Variants in FAT1 observed in about 807,000 individuals in gnomAD.
FAT1 encodes FAT atypical cadherin 1, also known as protocadherin Fat 1.
Under a neutral mutation model 329.8 loss-of-function variants are expected in FAT1, and 171 were observed. That is an observed-to-expected ratio of 0.52 (90% CI 0.46 to 0.59). FAT1 has a LOEUF of 0.59. FAT1 is among the 20% of genes least tolerant of loss of function. The pLI, the probability that FAT1 is intolerant of heterozygous loss-of-function variation, is 0.00. For synonymous variants in FAT1, 2,233 were observed against 2,228.6 expected, an observed-to-expected ratio of 1.00 and a Z score of -0.06; for missense variants, 5,672 against 5,774.4, an observed-to-expected ratio of 0.98 and a Z score of 0.57.
chr4:186,679,403 T>C lies in FAT1; in HGVS notation c.3266-15790A>G, dbSNP rs866493115. ...CTGCACTCCAGCCTGGGTGACAGAG[T>C]GAGACTCTGTCTCAAAAAAAAAAAA... On this transcript the variant is annotated intron_variant, in intron 2 of 26. Coordinates refer to ENST00000441802, the MANE Select transcript of FAT1 (RefSeq NM_005245.4). 3.9e-3 allele frequency among the ~76,000 whole-genome samples: 424 copies of C among 109,326 alleles called. 4 individuals are homozygous for C. Among genetic ancestry groups the C allele is most frequent in the African/African-American group, 0.014 (356 of 25,994 alleles). The allele number at this position is 109,326 out of a possible 152,430, so 71.7% of individuals were successfully genotyped here. A position where few individuals can be genotyped will look rare whatever the true frequency, so the allele number is the denominator to read the frequency against.
Position 186,598,056 on chromosome 4 carries a change from G to C in FAT1, c.12173C>G (p.Ser4058Cys). The C allele has an allele frequency of 6.2e-7, 1 of 1,613,936 alleles. No individual in the cohort carries two copies. The highest frequency in any genetic ancestry group is 8.5e-7 in the Non-Finnish European group (1 of 1,179,874). ...HCEISVNPCS[S>C]KPCLYGGTCV... ...CGTGCCCCCATAGAGGCATGGCTTG[G>C]AGGAACACGGATTGACGCTTATCTC... Residue 4058 changes from serine to cysteine, a missense_variant, in exon 23 of 27, where the codon TCC becomes TGC. Transcript: ENST00000441802.
chr4:186,671,191 A>G (rs575189574), intron 2 of FAT1, among the ~76,000 whole-genome samples: 9 of 152,268 alleles, frequency 5.9e-5, no homozygotes, highest in Admixed American at 4.6e-4. Flanking sequence ...ACTGATGTTA[A>G]TATTTCCACA....
At chr4:186,612,235 A>T (rs1055709001) in intron 13 of FAT1, among the ~76,000 whole-genome samples, 1 of 152,164 alleles carries the variant, frequency 6.6e-6, no homozygotes, top group African/African-American at 2.4e-5. Context: ...CTGTTAAAAC[A>T]AATGTAAATA....
intron 2 of FAT1, 108 bp from the exon 3 acceptor site, chr4:186,663,721 T>C (rs1268023911): frequency 1.7e-5 from 14 of 819,432 alleles, no homozygotes; most frequent in Non-Finnish European, 2.4e-5. Context: ...TGTCTCTTAC[T>C]AGGTGCATAA....
intron 2 of FAT1, among the ~76,000 whole-genome samples, chr4:186,702,815 G>A (rs1290149184): frequency 6.6e-6 from 1 of 152,132 alleles, no homozygotes; most frequent in Non-Finnish European, 1.5e-5. Context: ...ACAGAGAATG[G>A]ATCTGAAGTA....
At chr4:186,657,637 G>A (rs1271877080) in intron 3 of FAT1, among the ~76,000 whole-genome samples, 2 of 152,124 alleles carry the variant, frequency 1.3e-5, no homozygotes, top group Admixed American at 6.5e-5. Context: ...GCAATTTGCT[G>A]TAAGTGAATT....
chr4:186,723,422 C>A (rs1193406630), intron 1 of FAT1, among the ~76,000 whole-genome samples: 1 of 152,226 alleles, frequency 6.6e-6, no homozygotes, highest in African/African-American at 2.4e-5. Context: ...AGCAATGGCC[C>A]CGGATCGGTC....
At chr4:186,627,258 ATGAG>A (rs1240985928) in intron 9 of FAT1, among the ~76,000 whole-genome samples, 7 of 148,048 alleles carry the variant, frequency 4.7e-5, no homozygotes, top group Non-Finnish European at 8.9e-5. Context: ...GAATGAATGA[ATGAG>A]GGACCAACAT....
chr4:186,640,007 G>A (rs151044899), intron 3 of FAT1, among the ~76,000 whole-genome samples: 1 of 152,214 alleles, frequency 6.6e-6, no homozygotes, highest in African/African-American at 2.4e-5. Context: ...GGTGGCGCGT[G>A]ACTGTAATCC....
chr4:186,675,649 C>T (rs1742915508), intron 2 of FAT1, among the ~76,000 whole-genome samples: 1 of 151,824 alleles, frequency 6.6e-6, no homozygotes, highest in Non-Finnish European at 1.5e-5. Flanking sequence ...ACACCTGTAG[C>T]TCCAGGCTGA....
chr4:186,639,234 T>G (rs1740982948), intron 4 of FAT1, among the ~76,000 whole-genome samples: 1 of 152,214 alleles, frequency 6.6e-6, no homozygotes. Flanking sequence ...TAATTCATAG[T>G]TTAAAACGCA....
chr4:186,715,432 T>C (rs1745167229), intron 1 of FAT1, among the ~76,000 whole-genome samples: 1 of 152,158 alleles, frequency 6.6e-6, no homozygotes, highest in Admixed American at 6.5e-5. Flanking sequence ...AATGCTACTG[T>C]GAGTAGAATA....
intron 26 of FAT1, among the ~76,000 whole-genome samples, chr4:186,595,146 A>G (rs1738437945): frequency 6.6e-6 from 1 of 152,162 alleles, no homozygotes; most frequent in African/African-American, 2.4e-5. Flanking sequence ...CTTACTAGCA[A>G]TCTCTTAAAC....
At chr4:186,704,969 T>C (rs146881683) in intron 2 of FAT1, among the ~76,000 whole-genome samples, 2,585 of 139,172 alleles carry the variant, frequency 0.019, 80 homozygotes, top group African/African-American at 0.069. Flanking sequence ...TTTTTTGAGA[T>C]AGTCTGGCTC....
Position 186,707,755 on chromosome 4 carries a change from A to G in FAT1, c.2073T>C (p.Asn691=). 6.2e-7 allele frequency: 1 copy of G among 1,613,654 alleles called. No individual in the cohort carries two copies. The highest frequency in any genetic ancestry group is 8.5e-7 in the Non-Finnish European group (1 of 1,179,886). The change falls in exon 2 of 27, where the codon AAT becomes AAC. Residue 691 remains asparagine (N), a synonymous_variant. Transcript: ENST00000441802. The stretch of plus-strand genomic sequence containing the variant: ...CCACCTCTCCCTGGTTGTGTAATTT[A>G]TTTGCCTGCAGGAGCTTCTCTGCCA... ...KMLAEKLLQA[N]KLHNQGEVED...
intron 3 of FAT1, among the ~76,000 whole-genome samples, chr4:186,641,281 T>C (rs1158930066): frequency 2.0e-5 from 3 of 152,250 alleles, no homozygotes; most frequent in Non-Finnish European, 4.4e-5. Context: ...ATCATAGGTA[T>C]AGATTAAAAG....
chr4:186,642,989 C>A (rs147864814), intron 3 of FAT1, among the ~76,000 whole-genome samples: 1 of 152,150 alleles, frequency 6.6e-6, no homozygotes, highest in African/African-American at 2.4e-5. Flanking sequence ...ATTACTTTTA[C>A]GAAGACGAGA....
intron 2 of FAT1, among the ~76,000 whole-genome samples, chr4:186,687,654 A>G (rs1187217261): frequency 6.6e-6 from 1 of 152,188 alleles, no homozygotes; most frequent in Non-Finnish European, 1.5e-5. Context: ...GTCAACTGGT[A>G]TAATGCGTAT....
intron 2 of FAT1, among the ~76,000 whole-genome samples, chr4:186,706,276 G>C (rs1744585658): frequency 6.6e-6 from 1 of 152,170 alleles, no homozygotes; most frequent in Non-Finnish European, 1.5e-5. Flanking sequence ...GTTCAAAATA[G>C]AGTTTGGAGA....
Sources: allele counts gnomAD v4.1 joint callset (sites outside exome capture counted in the v4.1 genomes callset), GRCh38; gene constraint gnomAD v4.1.1; transcripts MANE v1.5; gene names NCBI Gene and HGNC (gene_info 2026-07-23, HGNC 2026-07-21).